CADM2: variants seen among roughly 807,000 people sequenced by gnomAD.
The protein encoded by CADM2 is immunoglobulin superfamily member 4D.
CADM2 carries 12 observed loss-of-function variants against 49.8 expected under a neutral mutation model. The ratio of observed to expected loss-of-function variants is 0.24; its 90% CI spans 0.15 to 0.39. The LOEUF is 0.39. Among genes scored for constraint, CADM2 ranks in the 10% least tolerant of loss-of-function variants. CADM2 has a pLI of 1.00. For missense variants in CADM2, 378 were observed against 492.3 expected (o/e 0.77, Z 2.20); for synonymous variants, 214 against 175.4 (o/e 1.22, Z -1.74).
At chr3:85,671,272 A>G (rs930640038) in intron 1 of CADM2, among the ~76,000 whole-genome samples, 2 of 152,212 alleles carry the variant, frequency 1.3e-5, no homozygotes, top group African/African-American at 2.4e-5. Context: ...AACTAAAACA[A>G]TAAATATTTC....
chr3:85,866,908 TAAG>T lies in CADM2; in HGVS notation c.239-16379_239-16377del, dbSNP rs1341842813. Among the ~76,000 whole-genome samples, 6 of 152,118 alleles carry T rather than the reference TAAG, an allele frequency of 3.9e-5. No individual in the cohort carries two copies. In the East Asian group the frequency reaches 1.2e-3, roughly 29 times the overall value. On this transcript the variant is annotated intron_variant, in intron 3 of 9. Coordinates refer to ENST00000383699, the MANE Select transcript of CADM2 (RefSeq NM_001167675.2). Reference sequence around the variant, plus strand: ...CATTCATGCTATACAGATAGTATATTAAGAAGTAGTCATTTCTTATAGGTTCAA... The same window carrying T: ...CATTCATGCTATACAGATAGTATATTAAGTAGTCATTTCTTATAGGTTCAA...
intron 1 of CADM2, among the ~76,000 whole-genome samples, chr3:85,070,008 A>G (rs533379391): frequency 6.6e-6 from 1 of 152,186 alleles, no homozygotes; most frequent in Non-Finnish European, 1.5e-5. Flanking sequence ...ATTCTAATGC[A>G]ATCACATTCT....
chr3:85,489,489 A>T (rs962405328), intron 1 of CADM2, among the ~76,000 whole-genome samples: 8 of 152,126 alleles, frequency 5.3e-5, no homozygotes, highest in East Asian at 1.9e-4. Flanking sequence ...ACTAACCCTT[A>T]CTTTTAGTCA....
chr3:85,143,449 C>T (rs1477431030), intron 1 of CADM2, among the ~76,000 whole-genome samples: 2 of 152,108 alleles, frequency 1.3e-5, no homozygotes, highest in Admixed American at 6.6e-5. Context: ...TACTGCTCTC[C>T]AACGTGGGCA....
At chr3:85,198,988 G>A (rs1410112875) in intron 1 of CADM2, among the ~76,000 whole-genome samples, 3 of 151,594 alleles carry the variant, frequency 2.0e-5, no homozygotes, top group Admixed American at 6.6e-5. Flanking sequence ...TCTCTAATTG[G>A]TATGTGCTTA....
At chr3:85,628,602 C>CACACAT (rs1445542835) in intron 1 of CADM2, among the ~76,000 whole-genome samples, 2 of 24,822 alleles carry the variant, frequency 8.1e-5, no homozygotes, top group Admixed American at 4.1e-4. Flanking sequence ...CATATATACA[C>CACACAT]ATATATACAT....
At chr3:85,250,079 T>A (rs1434658925) in intron 1 of CADM2, among the ~76,000 whole-genome samples, 2 of 151,842 alleles carry the variant, frequency 1.3e-5, no homozygotes, top group African/African-American at 4.8e-5. Context: ...ATTTGAAACA[T>A]CTGTTGCATA....
chr3:86,049,947 C>T (rs1737148988), intron 8 of CADM2, among the ~76,000 whole-genome samples: 1 of 152,160 alleles, frequency 6.6e-6, no homozygotes. Flanking sequence ...TGCTTCAAAT[C>T]TCATGTCCCT....
chr3:85,202,066 G>A lies in CADM2; in HGVS notation c.61+242398G>A, dbSNP rs1434725577. 4.5e-5 allele frequency among the ~76,000 whole-genome samples: 6 copies of A among 133,220 alleles called. No homozygotes were observed. In the East Asian group the frequency reaches 6.9e-4, roughly 15 times the overall value. 87.4% of individuals were successfully genotyped at this position (133,220 alleles called of 152,430 possible). Reference sequence around the variant, plus strand: ...CTGCTCTCCAGCCTGGTGACAGAGCGAGACTCTGTCTGAAAAAAAAAAAAA... The same window carrying A: ...CTGCTCTCCAGCCTGGTGACAGAGCAAGACTCTGTCTGAAAAAAAAAAAAA... On this transcript the variant is annotated intron_variant, in intron 1 of 9. Coordinates refer to ENST00000383699, the MANE Select transcript of CADM2 (RefSeq NM_001167675.2).
intron 1 of CADM2, among the ~76,000 whole-genome samples, chr3:85,349,663 C>A (rs1262814739): frequency 6.6e-6 from 1 of 152,168 alleles, no homozygotes; most frequent in African/African-American, 2.4e-5. Context: ...CAAAGACTTA[C>A]TCTGCAGATA....
At chr3:85,336,883 A>T (rs2107174755) in intron 1 of CADM2, among the ~76,000 whole-genome samples, 1 of 143,798 alleles carries the variant, frequency 7.0e-6, no homozygotes, top group Admixed American at 7.2e-5. Context: ...TATATATATG[A>T]ATTATATATA....
intron 1 of CADM2, among the ~76,000 whole-genome samples, chr3:85,508,837 ATG>A (rs10524905): frequency 0.38 from 56,372 of 149,808 alleles, 10,798 homozygotes; most frequent in East Asian, 0.58. Flanking sequence ...CTGTGTGTGT[ATG>A]TGTGTGTGTG....
chr3:85,648,104 T>A (rs1257020245), intron 1 of CADM2, among the ~76,000 whole-genome samples: 1 of 151,966 alleles, frequency 6.6e-6, no homozygotes, highest in Non-Finnish European at 1.5e-5. Flanking sequence ...CCCATGTTTC[T>A]GTGGTGTAAT....
chr3:85,603,867 T>C (rs73843689), intron 1 of CADM2, among the ~76,000 whole-genome samples: 1,729 of 152,116 alleles, frequency 0.011, 38 homozygotes, highest in African/African-American at 0.039. Flanking sequence ...TTTTGCTAAC[T>C]TCTTATCTTC....
chr3:85,923,259 C>T (rs1247380462), intron 6 of CADM2, among the ~76,000 whole-genome samples: 1 of 152,072 alleles, frequency 6.6e-6, no homozygotes, highest in Non-Finnish European at 1.5e-5. Context: ...TTCCTTTCAG[C>T]AAAATCATAT....
intron 1 of CADM2, among the ~76,000 whole-genome samples, chr3:85,463,779 C>T (rs1022254638): frequency 3.9e-5 from 6 of 151,954 alleles, no homozygotes; most frequent in Non-Finnish European, 4.4e-5. Context: ...AATATTGTTT[C>T]GCTCATTTTC....
At chr3:85,931,861 CATTAAATTTTAAAATTTAAAATT>C (rs1217682672) in intron 6 of CADM2, among the ~76,000 whole-genome samples, 1 of 151,134 alleles carries the variant, frequency 6.6e-6, no homozygotes, top group Non-Finnish European at 1.5e-5. Flanking sequence ...AATTTAAAAT[CATTAAATTTTAAAATTTAAAATT>C]ATTTTAAATT....
intron 1 of CADM2, among the ~76,000 whole-genome samples, chr3:85,356,041 A>G (rs980960799): frequency 2.6e-5 from 4 of 152,160 alleles, no homozygotes; most frequent in African/African-American, 7.2e-5. Flanking sequence ...CATTCAAACG[A>G]ATACTACTGG....
At chr3:85,704,866 ATT>A (rs531343116) in intron 1 of CADM2, among the ~76,000 whole-genome samples, 2 of 144,816 alleles carry the variant, frequency 1.4e-5, no homozygotes, top group African/African-American at 2.5e-5. Context: ...TATTATTATT[ATT>A]TTTTTTTTTT....
Sources: allele counts gnomAD v4.1 joint callset (sites outside exome capture counted in the v4.1 genomes callset), GRCh38; gene constraint gnomAD v4.1.1; transcripts MANE v1.5; gene names NCBI Gene and HGNC (gene_info 2026-07-23, HGNC 2026-07-21).